SMIM44: variants seen among roughly 807,000 people sequenced by gnomAD.
SMIM44 encodes small integral membrane protein 44.
At chr19:3,482,393 C>G in the SMIM44 span, among the ~76,000 whole-genome samples, 1 of 152,202 alleles carries the variant, frequency 6.6e-6, no homozygotes, top group Non-Finnish European at 1.5e-5. Flanking sequence ...ACTCTGTGCT[C>G]TGAGACCTTG....
At chr19:3,483,120 G>C in the SMIM44 span, 1 of 398,378 alleles carries the variant, frequency 2.5e-6, no homozygotes, top group South Asian at 1.3e-4. Context: ...TCCTCAGCTA[G>C]GAGAAGCACT....
chr19:3,482,523 A>G, the SMIM44 span, among the ~76,000 whole-genome samples: 66 of 152,370 alleles, frequency 4.3e-4, 1 homozygote, highest in African/African-American at 1.4e-3. Context: ...GCACAGCAGC[A>G]GGTACACGCT....
the SMIM44 span, chr19:3,482,842 G>A: frequency 2.5e-6 from 1 of 398,148 alleles, no homozygotes; most frequent in Non-Finnish European, 4.4e-6. Flanking sequence ...CTTCGGGATG[G>A]GGGGTCCTTG....
At chr19:3,482,445 G>T in the SMIM44 span, among the ~76,000 whole-genome samples, 1 of 152,230 alleles carries the variant, frequency 6.6e-6, no homozygotes, top group Non-Finnish European at 1.5e-5. Context: ...TTCCCCATCT[G>T]TTAAGTGGGG....
At chr19:3,482,963 G>C in the SMIM44 span, 1 of 398,360 alleles carries the variant, frequency 2.5e-6, no homozygotes. Context: ...CCAGCTGCAG[G>C]TCCAGCCCCT....
the SMIM44 span, among the ~76,000 whole-genome samples, chr19:3,482,175 G>T: frequency 1.3e-5 from 2 of 152,220 alleles, no homozygotes; most frequent in African/African-American, 4.8e-5. Flanking sequence ...GCTTGGAAGA[G>T]AAGGAGGCCT....
chr19:3,482,999 G>GC, the SMIM44 span: 1 of 398,464 alleles, frequency 2.5e-6, no homozygotes, highest in Non-Finnish European at 4.4e-6. Flanking sequence ...TCAGGCTGGG[G>GC]CGCAGCTCCC....
At chr19:3,483,431 G>A in the SMIM44 span, 1 of 397,512 alleles carries the variant, frequency 2.5e-6, no homozygotes, top group East Asian at 3.6e-5. Context: ...GGGGAGGCCC[G>A]GAGGTGACCC....
At chr19:3,483,275 G>A in the SMIM44 span, 1 of 398,472 alleles carries the variant, frequency 2.5e-6, no homozygotes, top group Non-Finnish European at 4.4e-6. Flanking sequence ...CCACCAGCGC[G>A]GCCAGCAGCA....
the SMIM44 span, chr19:3,483,373 C>T: frequency 3.5e-5 from 14 of 398,086 alleles, no homozygotes; most frequent in Admixed American, 8.8e-5. Context: ...CTCCAGCCCT[C>T]GGCCTCCCCC....
the SMIM44 span, among the ~76,000 whole-genome samples, chr19:3,482,445 G>A: frequency 6.6e-5 from 10 of 152,230 alleles, 1 homozygote; most frequent in Admixed American, 3.9e-4. Context: ...TTCCCCATCT[G>A]TTAAGTGGGG....
At chr19:3,483,204 G>T in the SMIM44 span, 1 of 398,518 alleles carries the variant, frequency 2.5e-6, no homozygotes, top group African/African-American at 2.1e-5. Context: ...CAGCTCACCG[G>T]CCAGGTCGTG....
chr19:3,482,914 C>A, the SMIM44 span: 2 of 398,162 alleles, frequency 5.0e-6, no homozygotes, highest in East Asian at 7.1e-5. Flanking sequence ...GCTCCCTCCC[C>A]ACCCCCGCCG....
chr19:3,483,307 G>T, the SMIM44 span: 35 of 398,362 alleles, frequency 8.8e-5, no homozygotes, highest in East Asian at 1.2e-3. Flanking sequence ...TACCTGGGCA[G>T]GCGGATGCTG....
the SMIM44 span, chr19:3,482,716 G>T: frequency 1.0e-5 from 4 of 396,674 alleles, no homozygotes; most frequent in East Asian, 1.4e-4. Context: ...CGCTGCGACC[G>T]GGCAGCTCAG....
the SMIM44 span, among the ~76,000 whole-genome samples, chr19:3,482,176 A>G: frequency 6.6e-6 from 1 of 152,108 alleles, no homozygotes; most frequent in Non-Finnish European, 1.5e-5. Flanking sequence ...CTTGGAAGAG[A>G]AGGAGGCCTT....
the SMIM44 span, among the ~76,000 whole-genome samples, chr19:3,482,432 G>A: frequency 2.6e-5 from 4 of 152,176 alleles, no homozygotes; most frequent in East Asian, 5.8e-4. Flanking sequence ...TGCGTGCCTC[G>A]GTTTCCCCAT....
chr19:3,483,171 C>T, the SMIM44 span: 1 of 398,354 alleles, frequency 2.5e-6, no homozygotes, highest in Non-Finnish European at 4.4e-6. Context: ...CCAGCATCGG[C>T]CCCAGCTGGG....
chr19:3,482,734 A>T, the SMIM44 span: 2 of 397,210 alleles, frequency 5.0e-6, no homozygotes, highest in Non-Finnish European at 8.9e-6. Context: ...CAGGGTTTGC[A>T]GAAAGGGCTC....
Sources: gnomAD v4.1 joint callset for allele counts (sites outside exome capture counted in the v4.1 genomes callset) on GRCh38, gnomAD v4.1.1 for gene constraint, MANE v1.5 for transcripts, NCBI Gene and HGNC (gene_info 2026-07-23, HGNC 2026-07-21) for gene names.